Variants in CCSER1 observed in about 807,000 individuals in gnomAD.
CCSER1 encodes coiled-coil serine rich protein 1, also known as serine-rich coiled-coil domain-containing protein 1.
Under a neutral mutation model 82.0 loss-of-function variants are expected in CCSER1, and 41 were observed. The observed-to-expected ratio is 0.50, with a 90% CI of 0.39 to 0.65. The LOEUF (loss-of-function observed/expected upper bound fraction) is 0.65. Ranked by LOEUF, CCSER1 falls within the 30% of genes least tolerant of loss-of-function variation. CCSER1 has a pLI of 0.00. For missense variants in CCSER1, 1,119 were observed against 1,064.2 expected (o/e 1.05, Z -0.72); for synonymous variants, 414 against 383.9 (o/e 1.08, Z -0.92).
chr4:91,333,885 T>C (rs1244427841), intron 10 of CCSER1, among the ~76,000 whole-genome samples: 1 of 151,996 alleles, frequency 6.6e-6, no homozygotes, highest in African/African-American at 2.4e-5. Flanking sequence ...GTGACATAAG[T>C]CAGTGTAATT....
intron 10 of CCSER1, among the ~76,000 whole-genome samples, chr4:91,393,693 C>T (rs1271915711): frequency 6.6e-6 from 1 of 151,954 alleles, no homozygotes; most frequent in Admixed American, 6.6e-5. Context: ...TGTTTTTCTC[C>T]TGCTGTATCT....
intron 8 of CCSER1, among the ~76,000 whole-genome samples, chr4:90,825,994 A>C (rs1023904591): frequency 6.6e-6 from 1 of 151,784 alleles, no homozygotes; most frequent in Non-Finnish European, 1.5e-5. Flanking sequence ...TCAGCACAAC[A>C]ATTGTTTTTT....
At chr4:90,591,699 G>T (rs892150955) in intron 5 of CCSER1, among the ~76,000 whole-genome samples, 1 of 152,182 alleles carries the variant, frequency 6.6e-6, no homozygotes, top group South Asian at 2.1e-4. Flanking sequence ...CACCCAAAGG[G>T]TTATAAATCA....
At chr4:91,023,504 A>T (rs561912493) in intron 9 of CCSER1, among the ~76,000 whole-genome samples, 18 of 152,328 alleles carry the variant, frequency 1.2e-4, no homozygotes, top group Middle Eastern at 6.8e-3. Flanking sequence ...ATAATGCCAC[A>T]TATCTACAAC....
chr4:90,328,716 C>T (rs2153493730), intron 3 of CCSER1, among the ~76,000 whole-genome samples: 1 of 152,180 alleles, frequency 6.6e-6, no homozygotes, highest in South Asian at 2.1e-4. Context: ...GCAGTGTGGC[C>T]TCTGCTACTG....
At chr4:90,330,358 G>T (rs1739056274) in intron 3 of CCSER1, among the ~76,000 whole-genome samples, 1 of 152,144 alleles carries the variant, frequency 6.6e-6, no homozygotes, top group Non-Finnish European at 1.5e-5. Context: ...TAAGATTTAT[G>T]TTCCAAAGTG....
At chr4:90,957,031 G>A (rs955891754) in intron 9 of CCSER1, among the ~76,000 whole-genome samples, 1 of 146,360 alleles carries the variant, frequency 6.8e-6, no homozygotes, top group Non-Finnish European at 1.5e-5. Context: ...TCCTTCCTTG[G>A]CCTACCAAAG....
intron 8 of CCSER1, among the ~76,000 whole-genome samples, chr4:90,914,036 A>T (rs1021734031): frequency 6.6e-6 from 1 of 152,164 alleles, no homozygotes; most frequent in Non-Finnish European, 1.5e-5. Flanking sequence ...CTCCCACACA[A>T]TAATAATGGG....
chr4:91,449,391 C>A (rs1369094845), intron 10 of CCSER1, among the ~76,000 whole-genome samples: 1 of 151,898 alleles, frequency 6.6e-6, no homozygotes, highest in Non-Finnish European at 1.5e-5. Flanking sequence ...TATATGAAAT[C>A]CAAATGAATC....
chr4:91,447,069 G>A (rs1320940175), intron 10 of CCSER1, among the ~76,000 whole-genome samples: 4 of 152,016 alleles, frequency 2.6e-5, no homozygotes, highest in Non-Finnish European at 4.4e-5. Flanking sequence ...TGTGGCATCA[G>A]GGGCTTTCTT....
intron 4 of CCSER1, among the ~76,000 whole-genome samples, chr4:90,433,989 A>C (rs888308557): frequency 6.6e-6 from 1 of 151,886 alleles, no homozygotes; most frequent in African/African-American, 2.4e-5. Context: ...ATCATCTTTA[A>C]GTTTTTAATA....
chr4:90,171,814 A>G (rs1293281716), intron 1 of CCSER1, among the ~76,000 whole-genome samples: 1 of 151,904 alleles, frequency 6.6e-6, no homozygotes, highest in Non-Finnish European at 1.5e-5. Flanking sequence ...CCTGAAACCA[A>G]TAAATTTCTG....
At chr4:90,796,011 T>A (rs1401385706) in intron 7 of CCSER1, among the ~76,000 whole-genome samples, 8 of 150,776 alleles carry the variant, frequency 5.3e-5, no homozygotes. Flanking sequence ...CTTCATAGAA[T>A]GAGTTAGGGA....
At chr4:91,210,947 T>C (rs1473309967) in intron 10 of CCSER1, among the ~76,000 whole-genome samples, 1 of 152,000 alleles carries the variant, frequency 6.6e-6, no homozygotes, top group African/African-American at 2.4e-5. Context: ...GGCATCAGGT[T>C]GACAACTTAT....
At chr4:90,147,257 A>T (rs1371615354) in intron 1 of CCSER1, among the ~76,000 whole-genome samples, 4 of 148,800 alleles carry the variant, frequency 2.7e-5, no homozygotes, top group Non-Finnish European at 6.1e-5. Flanking sequence ...TCTCACAACA[A>T]CCCTATGAGA....
intron 6 of CCSER1, among the ~76,000 whole-genome samples, chr4:90,719,393 A>G (rs1431340077): frequency 6.6e-6 from 1 of 152,114 alleles, no homozygotes; most frequent in Non-Finnish European, 1.5e-5. Flanking sequence ...TAATTATTTG[A>G]TTATATGTTA....
chr4:91,435,107 A>G (rs17281840), intron 10 of CCSER1, among the ~76,000 whole-genome samples: 4,180 of 152,276 alleles, frequency 0.027, 111 homozygotes, highest in Non-Finnish European at 0.042. Flanking sequence ...TAGTGCAACA[A>G]TGCTTATCTA....
intron 10 of CCSER1, among the ~76,000 whole-genome samples, chr4:91,356,233 T>C (rs1474946611): frequency 6.6e-6 from 1 of 152,256 alleles, no homozygotes; most frequent in Non-Finnish European, 1.5e-5. Flanking sequence ...ATTTTTTCTC[T>C]TTCTGACACA....
chr4:91,356,228 TTC>T (rs1748823568), intron 10 of CCSER1, among the ~76,000 whole-genome samples: 1 of 152,246 alleles, frequency 6.6e-6, no homozygotes. Flanking sequence ...CTGCCATTTT[TTC>T]TCTTTCTGAC....
Sources: gnomAD v4.1 joint callset for allele counts (sites outside exome capture counted in the v4.1 genomes callset) on GRCh38, gnomAD v4.1.1 for gene constraint, MANE v1.5 for transcripts, NCBI Gene and HGNC (gene_info 2026-07-23, HGNC 2026-07-21) for gene names.